ZNF407: variants seen among roughly 807,000 people sequenced by gnomAD.
ZNF407 encodes zinc finger protein 407.
In ZNF407, 17 loss-of-function variants were observed where a neutral mutation model predicts 131.2. The ratio of observed to expected loss-of-function variants is 0.13; its 90% CI spans 0.09 to 0.19. The LOEUF (loss-of-function observed/expected upper bound fraction) is 0.19. Among genes scored for constraint, ZNF407 ranks in the 10% least tolerant of loss-of-function variants. The pLI is 1.00. For missense variants in ZNF407, 2,681 were observed against 2,830.6 expected (o/e 0.95, Z 1.20); for synonymous variants, 1,156 against 1,062.0 (o/e 1.09, Z -1.72).
Position 74,631,013 on chromosome 18 carries a change from T to G in ZNF407, c.-7T>G. 1.2e-6 allele frequency: 2 copies of G among 1,600,504 alleles called. No homozygotes were observed. The highest frequency in any genetic ancestry group is 1.7e-6 in the Non-Finnish European group (2 of 1,174,678). ...CCTTAGATAGAAGCATCGTCAGCACTTTATTAATGATGGATAGTGAGAATA... is the reference window on the plus strand; with the variant it reads ...CCTTAGATAGAAGCATCGTCAGCACGTTATTAATGATGGATAGTGAGAATA... On this transcript the variant is annotated 5_prime_UTR_variant, in exon 2 of 9. Transcript: ENST00000299687.
chr18:74,960,509 C>T (rs1240807911), intron 8 of ZNF407, among the ~76,000 whole-genome samples: 5 of 88,804 alleles, frequency 5.6e-5, no homozygotes, highest in African/African-American at 1.9e-4. Context: ...GGTCCTGAGT[C>T]AGTGCTTGGT....
intron 4 of ZNF407, among the ~76,000 whole-genome samples, chr18:74,839,922 G>A (rs7233503): frequency 0.012 from 1,895 of 152,164 alleles, 41 homozygotes; most frequent in African/African-American, 0.041. Context: ...TATAAAGCAC[G>A]GAAGAGGACC....
At chr18:74,755,553 C>CCTCCCTTCCTTCT in intron 3 of ZNF407, among the ~76,000 whole-genome samples, 1 of 99,334 alleles carries the variant, frequency 1.0e-5, no homozygotes, top group South Asian at 4.8e-4. Flanking sequence ...CCCTCCCTTC[C>CCTCCCTTCCTTCT]TTCTTCCTTC....
intron 7 of ZNF407, among the ~76,000 whole-genome samples, chr18:74,899,854 G>C (rs1216945165): frequency 6.6e-6 from 1 of 152,214 alleles, no homozygotes; most frequent in African/African-American, 2.4e-5. Flanking sequence ...AGTGAGAACA[G>C]AAAACAGGTA....
At chr18:74,728,968 C>G (rs1006207167) in intron 3 of ZNF407, among the ~76,000 whole-genome samples, 1 of 152,128 alleles carries the variant, frequency 6.6e-6, no homozygotes, top group South Asian at 2.1e-4. Context: ...ACTGTTATGT[C>G]AGCAGCTGCT....
Position 75,029,982 on chromosome 18 carries a change from T to C in ZNF407, c.5429-33168T>C, listed in dbSNP as rs184224171. Among the ~76,000 whole-genome samples the C allele has an allele frequency of 1.2e-4, 18 of 152,322 alleles. No homozygotes were observed. The East Asian group carries it at 3.5e-3, about 29-fold the overall frequency. The stretch of plus-strand genomic sequence containing the variant: ...ACATTAAAAATATGGGGAAGAGGTT[T>C]CCTGTAAATGTGTGCAAATGGCAAC... On this transcript the variant is annotated intron_variant, in intron 8 of 8. Coordinates refer to ENST00000299687, the MANE Select transcript of ZNF407 (RefSeq NM_017757.3).
At chr18:74,670,211 C>G (rs948417456) in intron 3 of ZNF407, among the ~76,000 whole-genome samples, 3 of 152,150 alleles carry the variant, frequency 2.0e-5, no homozygotes, top group African/African-American at 7.2e-5. Context: ...CACAAAGATT[C>G]TAGGATTCTG....
chr18:75,045,740 A>G (rs1171411828), intron 8 of ZNF407, among the ~76,000 whole-genome samples: 2 of 152,100 alleles, frequency 1.3e-5, no homozygotes, highest in Non-Finnish European at 2.9e-5. Context: ...TTCGATGTTG[A>G]GAGTCTTGAG....
chr18:74,714,286 A>G (rs1967839341), intron 3 of ZNF407, among the ~76,000 whole-genome samples: 1 of 152,228 alleles, frequency 6.6e-6, no homozygotes, highest in Non-Finnish European at 1.5e-5. Flanking sequence ...GTCTGTGGTC[A>G]CAGTATGTTT....
intron 3 of ZNF407, among the ~76,000 whole-genome samples, chr18:74,682,975 G>C (rs1967020397): frequency 6.6e-6 from 1 of 152,184 alleles, no homozygotes; most frequent in Non-Finnish European, 1.5e-5. Flanking sequence ...TTCTGGTTTT[G>C]AGTGGATGGT....
chr18:74,716,226 C>G (rs1443004480), intron 3 of ZNF407, among the ~76,000 whole-genome samples: 2 of 152,202 alleles, frequency 1.3e-5, no homozygotes, highest in Admixed American at 1.3e-4. Flanking sequence ...TAATGTTTCT[C>G]TCAGTTCATA....
chr18:74,804,029 G>C, intron 4 of ZNF407: 11 of 1,551,700 alleles, frequency 7.1e-6, no homozygotes, highest in Non-Finnish European at 8.7e-6. Context: ...AACGCGTCGA[G>C]TGCCTCTGAA....
intron 3 of ZNF407, among the ~76,000 whole-genome samples, chr18:74,753,637 T>A (rs479382): frequency 0.016 from 2,384 of 152,316 alleles, 72 homozygotes; most frequent in African/African-American, 0.053. Flanking sequence ...TTTGGTTCTG[T>A]TTATATGATG....
intron 8 of ZNF407, among the ~76,000 whole-genome samples, chr18:74,969,010 GTTT>G (rs1243898638): frequency 6.6e-6 from 1 of 152,080 alleles, no homozygotes; most frequent in African/African-American, 2.4e-5. Context: ...CTTCCCTCAG[GTTT>G]GCTGATGGTA....
intron 8 of ZNF407, among the ~76,000 whole-genome samples, chr18:75,042,443 A>C (rs552088584): frequency 6.6e-6 from 1 of 152,212 alleles, no homozygotes; most frequent in South Asian, 2.1e-4. Flanking sequence ...AAGAGTCATA[A>C]TATTGTATAA....
At chr18:74,846,259 A>G (rs1970701045) in intron 4 of ZNF407, among the ~76,000 whole-genome samples, 1 of 152,206 alleles carries the variant, frequency 6.6e-6, no homozygotes, top group East Asian at 1.9e-4. Context: ...AACAGCTTAA[A>G]GTAGCATCAG....
chr18:74,638,669 C>T (rs1984572007), intron 2 of ZNF407, among the ~76,000 whole-genome samples: 1 of 152,042 alleles, frequency 6.6e-6, no homozygotes. Context: ...TAGTTTTTCC[C>T]TTTGAAAAAA....
At chr18:74,804,569 A>G (rs961945177) in intron 4 of ZNF407, 1 of 986,136 alleles carries the variant, frequency 1.0e-6, no homozygotes, top group African/African-American at 1.7e-5. Context: ...GAGGATATTC[A>G]TCACAATGGT....
rs137937770 is a variant in ZNF407, at chr18:75,019,738, T to C, written c.5429-43412T>C. 2.2e-3 allele frequency among the ~76,000 whole-genome samples: 342 copies of C among 152,238 alleles called. 1 individual carries two copies. The highest frequency in any genetic ancestry group is 7.9e-3 in the African/African-American group (327 of 41,540). ...TTAATTGACTCACAGTTCCACAGGC[T>C]GCACAGGAGGCATGGCTGGGGAGGC... is the stretch of plus-strand genomic sequence containing the variant. On this transcript the variant is annotated intron_variant, in intron 8 of 8. Coordinates refer to ENST00000299687, the MANE Select transcript of ZNF407 (RefSeq NM_017757.3).
Sources: gnomAD v4.1 joint callset for allele counts (sites outside exome capture counted in the v4.1 genomes callset) on GRCh38, gnomAD v4.1.1 for gene constraint, MANE v1.5 for transcripts, NCBI Gene and HGNC (gene_info 2026-07-23, HGNC 2026-07-21) for gene names.